Variants in CTNNA3 observed in about 807,000 individuals in gnomAD.
CTNNA3 encodes the protein catenin alpha 3, also known as catenin alpha-3.
A neutral mutation model predicts 95.7 loss-of-function variants in CTNNA3; 76 were observed. The observed-to-expected ratio is 0.79, with a 90% CI of 0.66 to 0.96. CTNNA3 has a LOEUF of 0.96. Among genes scored for constraint, CTNNA3 ranks in the 40% least tolerant of loss-of-function variants. The pLI is 0.00. For synonymous variants in CTNNA3, 431 were observed against 374.4 expected, an observed-to-expected ratio of 1.15 and a Z score of -1.74; for missense variants, 1,191 against 1,089.8, an observed-to-expected ratio of 1.09 and a Z score of -1.31.
chr10:66,760,558 T>C (rs554943253), intron 9 of CTNNA3, among the ~76,000 whole-genome samples: 1 of 152,304 alleles, frequency 6.6e-6, no homozygotes, highest in South Asian at 2.1e-4. Flanking sequence ...TCCCATATAA[T>C]TTTCTCTTTT....
At chr10:67,256,379 T>C (rs1866349941) in intron 5 of CTNNA3, among the ~76,000 whole-genome samples, 1 of 152,200 alleles carries the variant, frequency 6.6e-6, no homozygotes, top group African/African-American at 2.4e-5. Flanking sequence ...CCTTACCGAA[T>C]GCCTTCTTTT....
chr10:67,128,302 T>C (rs1859822798), intron 7 of CTNNA3, among the ~76,000 whole-genome samples: 1 of 152,142 alleles, frequency 6.6e-6, no homozygotes, highest in Non-Finnish European at 1.5e-5. Flanking sequence ...CTAAAAAAGA[T>C]TATTCCAAAA....
intron 13 of CTNNA3, among the ~76,000 whole-genome samples, chr10:66,153,121 T>C (rs1291406903): frequency 3.9e-5 from 6 of 151,964 alleles, no homozygotes; most frequent in African/African-American, 9.7e-5. Context: ...TGTTTCTTTT[T>C]CAAATATGCG....
intron 7 of CTNNA3, among the ~76,000 whole-genome samples, chr10:67,041,896 G>A (rs1223019735): frequency 6.6e-6 from 1 of 152,066 alleles, no homozygotes; most frequent in African/African-American, 2.4e-5. Context: ...TGTGGGATTG[G>A]GATCACATTC....
intron 11 of CTNNA3, among the ~76,000 whole-genome samples, chr10:66,466,833 G>A: frequency 6.6e-6 from 1 of 152,118 alleles, no homozygotes; most frequent in East Asian, 1.9e-4. Context: ...TCATGTGCAT[G>A]TCAATGCTTG....
chr10:66,884,591 GC>G (rs1397235703), intron 7 of CTNNA3, among the ~76,000 whole-genome samples: 1 of 152,064 alleles, frequency 6.6e-6, no homozygotes, highest in Non-Finnish European at 1.5e-5. Flanking sequence ...CATAAACACA[GC>G]CCCAGTCAAT....
intron 9 of CTNNA3, among the ~76,000 whole-genome samples, chr10:66,752,092 A>G (rs1462416556): frequency 6.6e-6 from 1 of 152,176 alleles, no homozygotes; most frequent in Non-Finnish European, 1.5e-5. Context: ...AGGTACTGAT[A>G]GGCTTATACT....
chr10:66,409,950 C>A (rs1280605954), intron 11 of CTNNA3, among the ~76,000 whole-genome samples: 2 of 152,214 alleles, frequency 1.3e-5, no homozygotes, highest in Non-Finnish European at 2.9e-5. Flanking sequence ...GTGCCCTAGA[C>A]CTTTCCCAAT....
rs552335584 is a variant in CTNNA3, at chr10:67,411,446, T to C, written c.579+110396A>G. Among the ~76,000 whole-genome samples, 4 of 152,238 alleles carry C rather than the reference T, an allele frequency of 2.6e-5. No individual in the cohort carries two copies. In the South Asian group the frequency reaches 8.3e-4, roughly 32 times the overall value. The stretch of plus-strand genomic sequence containing the variant: ...TCTAGGTCATTGACTCAATTCCTTT[T>C]TATGGTCATAGTTTTCAGTAACTTG... On this transcript the variant is annotated intron_variant, in intron 5 of 17. Coordinates refer to ENST00000433211, the MANE Select transcript of CTNNA3 (RefSeq NM_013266.4).
chr10:65,996,816 T>C (rs1283861462), intron 15 of CTNNA3, among the ~76,000 whole-genome samples: 1 of 152,192 alleles, frequency 6.6e-6, no homozygotes, highest in African/African-American at 2.4e-5. Context: ...CCCTGTTTTT[T>C]TTCTTGCTTC....
intron 5 of CTNNA3, among the ~76,000 whole-genome samples, chr10:67,289,345 G>A (rs1839737609): frequency 1.3e-5 from 2 of 152,092 alleles, no homozygotes; most frequent in Admixed American, 6.6e-5. Flanking sequence ...ATCAAACATC[G>A]TTATATGCCA....
chr10:67,465,211 C>T (rs938016751), intron 5 of CTNNA3, among the ~76,000 whole-genome samples: 1 of 151,778 alleles, frequency 6.6e-6, no homozygotes, highest in African/African-American at 2.4e-5. Context: ...ATAAAAGGAC[C>T]CTGTTTTTAC....
intron 10 of CTNNA3, among the ~76,000 whole-genome samples, chr10:66,565,522 ATAAT>A (rs1298726656): frequency 1.3e-5 from 2 of 152,206 alleles, no homozygotes; most frequent in Admixed American, 1.3e-4. Context: ...TAGGGGAAAT[ATAAT>A]TAAACAGACT....
intron 13 of CTNNA3, among the ~76,000 whole-genome samples, chr10:66,139,317 T>C (rs954663782): frequency 6.6e-6 from 1 of 152,002 alleles, no homozygotes; most frequent in Non-Finnish European, 1.5e-5. Context: ...AAAATATTTA[T>C]AGGCAAGATT....
At chr10:65,997,030 T>A (rs2078678166) in intron 15 of CTNNA3, among the ~76,000 whole-genome samples, 1 of 152,070 alleles carries the variant, frequency 6.6e-6, no homozygotes, top group South Asian at 2.1e-4. Flanking sequence ...TGTGTTTTTT[T>A]TAATCCCATT....
intron 9 of CTNNA3, among the ~76,000 whole-genome samples, chr10:66,667,795 T>C (rs1846509663): frequency 6.6e-6 from 1 of 152,150 alleles, no homozygotes; most frequent in African/African-American, 2.4e-5. Flanking sequence ...AATATTCTAT[T>C]GACTGCATTT....
intron 11 of CTNNA3, among the ~76,000 whole-genome samples, chr10:66,478,425 A>G (rs965420695): frequency 1.3e-5 from 2 of 152,050 alleles, no homozygotes; most frequent in South Asian, 2.1e-4. Context: ...GATAATTTTT[A>G]TTGAAAATTT....
At chr10:66,750,944 G>A (rs2132727107) in intron 9 of CTNNA3, among the ~76,000 whole-genome samples, 1 of 152,186 alleles carries the variant, frequency 6.6e-6, no homozygotes, top group South Asian at 2.1e-4. Flanking sequence ...ATTTTTGAGG[G>A]TGTTAAGGTG....
intron 5 of CTNNA3, among the ~76,000 whole-genome samples, chr10:67,395,956 G>A (rs1169298602): frequency 1.3e-5 from 2 of 152,028 alleles, no homozygotes; most frequent in Non-Finnish European, 1.5e-5. Context: ...GCCTATCTAT[G>A]TATATTTTTT....
Sources: gnomAD v4.1 joint callset for allele counts (sites outside exome capture counted in the v4.1 genomes callset) on GRCh38, gnomAD v4.1.1 for gene constraint, MANE v1.5 for transcripts, NCBI Gene and HGNC (gene_info 2026-07-23, HGNC 2026-07-21) for gene names.